The following PREX1 variants were observed in gnomAD, a reference collection of about 807,000 sequenced individuals.
PREX1 encodes the protein phosphatidylinositol-3,4,5-trisphosphate dependent Rac exchange factor 1, also known as phosphatidylinositol 3,4,5-trisphosphate-dependent Rac exchanger 1 protein.
PREX1 carries 41 observed loss-of-function variants against 198.3 expected under a neutral mutation model. That is an observed-to-expected ratio of 0.21 (90% CI 0.16 to 0.27). PREX1 has a LOEUF of 0.27. PREX1 is among the 10% of genes least tolerant of loss of function. The probability of loss-of-function intolerance (pLI) is 1.00; values close to 1 mark genes in which losing one functional copy is unlikely to be tolerated. For missense variants in PREX1, 1,620 were observed against 2,200.7 expected (o/e 0.74, Z 5.28); for synonymous variants, 843 against 887.2 (o/e 0.95, Z 0.89).
Position 48,625,443 on chromosome 20 carries a change from T to C in PREX1, c.*442A>G. ...ACAGGGTTAGGGTGAACCTGGAAGC[T>C]AAGATGAGGAGGAGGAGACACGTGT... On this transcript the variant is annotated 3_prime_UTR_variant, in exon 40 of 40. Transcript: ENST00000371941. 6.1e-6 allele frequency: 1 copy of C among 164,146 alleles called. No homozygotes were observed. Among genetic ancestry groups the C allele is most frequent in the Non-Finnish European group, 1.3e-5 (1 of 75,584 alleles). The allele number at this position is 164,146 out of a possible 1,614,324, so 10.2% of individuals were successfully genotyped here.
Position 48,646,714 on chromosome 20 carries a change from C to A in PREX1, c.3306-657G>T, listed in dbSNP as rs1168016706. Among the ~76,000 whole-genome samples, 8 of 149,246 alleles carry A rather than the reference C, an allele frequency of 5.4e-5. No individual in the cohort carries two copies. In the East Asian group the frequency reaches 1.4e-3, roughly 26 times the overall value. On this transcript the variant is annotated intron_variant, in intron 25 of 39. Coordinates refer to ENST00000371941, the MANE Select transcript of PREX1 (RefSeq NM_020820.4). ...AAAAGAAAAGAAAAGAAAAAGAAAA[C>A]AATAGGCTGAAGTCTGGACTGGGCC...
intron 5 of PREX1, among the ~76,000 whole-genome samples, chr20:48,724,492 G>T (rs2090001150): frequency 6.6e-6 from 1 of 152,192 alleles, no homozygotes; most frequent in Admixed American, 6.5e-5. Flanking sequence ...GGCTGCAACG[G>T]CTGACTCTCA....
At chr20:48,779,816 G>A (rs150363573) in intron 1 of PREX1, among the ~76,000 whole-genome samples, 55 of 152,314 alleles carry the variant, frequency 3.6e-4, no homozygotes, top group Middle Eastern at 3.4e-3. Flanking sequence ...GAACTACAGG[G>A]AGAGGAAATG....
At chr20:48,797,204 CCT>C (rs2090366833) in intron 1 of PREX1, among the ~76,000 whole-genome samples, 1 of 151,974 alleles carries the variant, frequency 6.6e-6, no homozygotes, top group Admixed American at 6.6e-5. Context: ...TGCTTGGGTC[CCT>C]GAGAGGTGGC....
chr20:48,798,020 T>C (rs188713908), intron 1 of PREX1, among the ~76,000 whole-genome samples: 105 of 152,316 alleles, frequency 6.9e-4, no homozygotes, highest in African/African-American at 2.5e-3. Flanking sequence ...GCTGAGCTCA[T>C]CTGTAACCTT....
chr20:48,701,053 G>A (rs572664114), intron 6 of PREX1, among the ~76,000 whole-genome samples, 167 bp from the exon 7 acceptor site: 5 of 152,272 alleles, frequency 3.3e-5, no homozygotes, highest in Admixed American at 2.6e-4. Flanking sequence ...TCTATCTGCT[G>A]AGCATGCCAT....
At chr20:48,811,645 T>G (rs60110403) in intron 1 of PREX1, among the ~76,000 whole-genome samples, 1 of 92,104 alleles carries the variant, frequency 1.1e-5, no homozygotes, top group Non-Finnish European at 2.3e-5. Context: ...CACACACACG[T>G]ACGTGTGCAT....
intron 1 of PREX1, among the ~76,000 whole-genome samples, chr20:48,813,667 G>A (rs2090446359): frequency 6.6e-6 from 1 of 152,110 alleles, no homozygotes. Flanking sequence ...AGACAGGGAA[G>A]AAGAAAGGAA....
In PREX1 at chr20:48,684,878, T is replaced by C. The variant is rs916935215; in HGVS notation, c.1335-3543A>G. 3.3e-5 allele frequency among the ~76,000 whole-genome samples: 5 copies of C among 152,238 alleles called. No homozygotes were observed. Among genetic ancestry groups the C allele is most frequent in the Admixed American group, 1.3e-4 (2 of 15,286 alleles). ...AAAGCTCACTGCAGCCTCAGGGCTTTCGCGCCTACTGCTTCCTAAGCCAGG... is the reference window on the plus strand; with the variant it reads ...AAAGCTCACTGCAGCCTCAGGGCTTCCGCGCCTACTGCTTCCTAAGCCAGG... On this transcript the variant is annotated intron_variant, in intron 10 of 39. Coordinates refer to ENST00000371941, the MANE Select transcript of PREX1 (RefSeq NM_020820.4). The surrounding 1 kb of genome is among the most constrained non-coding windows in gnomAD (Gnocchi z 4.2).
intron 1 of PREX1, among the ~76,000 whole-genome samples, chr20:48,823,500 G>A (rs984337212): frequency 5.9e-5 from 9 of 152,178 alleles, no homozygotes; most frequent in African/African-American, 1.9e-4. Flanking sequence ...TCAGCCCAAG[G>A]TCACCTACAG....
At chr20:48,815,841 C>G (rs967400373) in intron 1 of PREX1, among the ~76,000 whole-genome samples, 3 of 152,044 alleles carry the variant, frequency 2.0e-5, no homozygotes, top group African/African-American at 7.3e-5. Context: ...GAAACCCTGT[C>G]TCTACTAAAA....
At chr20:48,729,076 C>CT (rs1227718519) in intron 4 of PREX1, among the ~76,000 whole-genome samples, 2 of 147,722 alleles carry the variant, frequency 1.4e-5, no homozygotes, top group East Asian at 2.0e-4. Flanking sequence ...CCTGACTCGG[C>CT]TTTTTTTTCT....
In PREX1 at chr20:48,636,622, G is replaced by A. The variant is rs1345854554; in HGVS notation, c.4008C>T (p.Cys1336=). Residue 1336 remains cysteine, a synonymous_variant, in exon 32 of 40, where the codon TGC becomes TGT. Coordinates refer to ENST00000371941, the MANE Select transcript of PREX1 (RefSeq NM_020820.4). ...IFCQALVAAV[C]TFSKQLLAAL... ...CCGCCAGCAGCTGCTTGGAGAAGGT[G>A]CACACGGCGGCCACCAGGGCCTGGC... 22 of 1,611,358 alleles carry A rather than the reference G, an allele frequency of 1.4e-5. No homozygotes were observed. In the Admixed American group the frequency reaches 3.3e-4, roughly 24 times the overall value.
chr20:48,649,688 C>G, intron 24 of PREX1, 112 bp from the exon 25 acceptor site: 13 of 1,275,118 alleles, frequency 1.0e-5, no homozygotes, highest in Non-Finnish European at 1.3e-5. Flanking sequence ...AGAAAAATGT[C>G]CCTTCTAAAT....
intron 27 of PREX1, among the ~76,000 whole-genome samples, chr20:48,642,905 T>C (rs898410968): frequency 1.3e-5 from 2 of 152,248 alleles, no homozygotes; most frequent in Admixed American, 6.5e-5. Flanking sequence ...GAAATCTGTA[T>C]CTAAAGTTCA....
intron 10 of PREX1, among the ~76,000 whole-genome samples, chr20:48,685,624 G>C (rs2064222392): frequency 6.6e-6 from 1 of 152,206 alleles, no homozygotes; most frequent in African/African-American, 2.4e-5. Context: ...GCCAACCCTT[G>C]GGGGTGATAA....
intron 7 of PREX1, among the ~76,000 whole-genome samples, chr20:48,696,628 CAT>C (rs879271744): frequency 2.0e-3 from 306 of 151,778 alleles, no homozygotes; most frequent in Middle Eastern, 6.8e-3. Flanking sequence ...TACATACATA[CAT>C]ACATACATAC....
chr20:48,725,248 C>T (rs2090004503), intron 5 of PREX1, among the ~76,000 whole-genome samples: 1 of 152,248 alleles, frequency 6.6e-6, no homozygotes, highest in African/African-American at 2.4e-5. Flanking sequence ...CCAAATTAAT[C>T]CCCCCACAGG....
intron 8 of PREX1, 39 bp downstream of exon 8, chr20:48,692,633 G>T (rs2089825257): frequency 2.7e-6 from 4 of 1,494,120 alleles, no homozygotes; most frequent in African/African-American, 1.8e-5. Context: ...AGCAGGCAGG[G>T]CTCAGGCAGG....
Sources: allele counts gnomAD v4.1 joint callset (sites outside exome capture counted in the v4.1 genomes callset), GRCh38; gene constraint gnomAD v4.1.1; non-coding constraint Gnocchi (gnomAD v3.1); transcripts MANE v1.5; gene names NCBI Gene and HGNC (gene_info 2026-07-23, HGNC 2026-07-21).